The following TNFRSF10A variants were observed in gnomAD, a reference collection of about 807,000 sequenced individuals.
The protein encoded by TNFRSF10A is tumor necrosis factor receptor superfamily member 10A.
Under a neutral mutation model 42.8 loss-of-function variants are expected in TNFRSF10A, and 44 were observed. The observed-to-expected ratio is 1.03, with a 90% CI of 0.81 to 1.32. TNFRSF10A has a LOEUF of 1.32. Ranked by LOEUF, TNFRSF10A falls within the 40% of genes most tolerant of loss-of-function variation. TNFRSF10A has a pLI of 0.00. For missense variants in TNFRSF10A, 680 were observed against 602.0 expected, an observed-to-expected ratio of 1.13 and a Z score of -1.36; for synonymous variants, 259 against 234.2, an observed-to-expected ratio of 1.11 and a Z score of -0.97.
rs1327739148 is a variant in TNFRSF10A, at chr8:23,191,828, T to C, written c.1273A>G (p.Ile425Val). ...WVNKTGRNAS[I>V]HTLLDALERM... ...TCCAAGGCATCCAGCAGGGTGTGGA[T>C]CGAGGCGTTCCGTCCAGTTTTGTTG... Residue 425 changes from isoleucine (I) to valine (V), a missense_variant, in exon 10 of 10, where the codon ATC becomes GTC. By Grantham distance (29) the Ile-to-Val change is conservative. Coordinates refer to ENST00000221132, the MANE Select transcript of TNFRSF10A (RefSeq NM_003844.4). 1 of 1,614,022 alleles carries C rather than the reference T, an allele frequency of 6.2e-7. No homozygotes were observed. Among genetic ancestry groups the C allele is most frequent in the East Asian group, 2.2e-5 (1 of 44,866 alleles).
In TNFRSF10A at chr8:23,191,376, C is replaced by T. The variant is rs1800750477; in HGVS notation, c.*318G>A. The T allele has an allele frequency of 2.6e-6, 1 of 388,428 alleles. No homozygotes were observed. Among genetic ancestry groups the T allele is most frequent in the Admixed American group, 4.2e-5 (1 of 23,772 alleles). 24.1% of individuals were successfully genotyped at this position (388,428 alleles called of 1,614,324 possible). A position where few individuals can be genotyped will look rare whatever the true frequency, so the allele number is the denominator to read the frequency against. ...AGGCTGGAGTGCAGTGGTGCAATCT[C>T]AGCTCACTGCCTCGTGGGTTCAAGT... On this transcript the variant is annotated 3_prime_UTR_variant, in exon 10 of 10. Coordinates refer to ENST00000221132, the MANE Select transcript of TNFRSF10A (RefSeq NM_003844.4).
chr8:23,216,170 C>A (rs1178042857), intron 1 of TNFRSF10A, among the ~76,000 whole-genome samples: 4 of 152,110 alleles, frequency 2.6e-5, no homozygotes, highest in Non-Finnish European at 5.9e-5. Flanking sequence ...CAACTCTTAG[C>A]TTGTTGATTC....
At chr8:23,202,065 C>T (rs6557633) in intron 3 of TNFRSF10A, 146 bp from the exon 4 acceptor site, 10,479 of 668,840 alleles carry the variant, frequency 0.016, 236 homozygotes, top group African/African-American at 0.076. Flanking sequence ...CCAGCACACT[C>T]GGGCTCACAC....
intron 1 of TNFRSF10A, among the ~76,000 whole-genome samples, chr8:23,222,385 A>G (rs1801270163): frequency 6.6e-6 from 1 of 152,230 alleles, no homozygotes; most frequent in African/African-American, 2.4e-5. Flanking sequence ...GGAATTAGAA[A>G]AAACAAAAGC....
At chr8:23,194,980 A>C (rs928778801) in intron 9 of TNFRSF10A, among the ~76,000 whole-genome samples, 2 of 152,112 alleles carry the variant, frequency 1.3e-5, no homozygotes, top group East Asian at 3.8e-4. Flanking sequence ...CCAACGTGGC[A>C]AAACCCTGTC....
intron 7 of TNFRSF10A, 127 bp from the exon 8 acceptor site, chr8:23,199,575 C>T: frequency 1.7e-6 from 2 of 1,199,228 alleles, no homozygotes; most frequent in Non-Finnish European, 2.3e-6. Context: ...CCATGCTCAG[C>T]ACATCCAGGA....
chr8:23,199,278 T>C lies in TNFRSF10A; in HGVS notation c.1002A>G (p.Ala334=). ...GTCCCCAACTCACCAGCAGACACTG[T>C]GCCTCCCCTGGGGACTGTACAGTGA... is the stretch of plus-strand genomic sequence containing the variant. ...TGVTVQSPGE[A]QCLLGPAEAE... The change falls in exon 8 of 10, where the codon GCA becomes GCG. Residue 334 remains alanine, a synonymous_variant. Transcript: ENST00000221132. 6.2e-7 allele frequency: 1 copy of C among 1,613,352 alleles called. No homozygotes were observed. Among genetic ancestry groups the C allele is most frequent in the African/African-American group, 1.3e-5 (1 of 75,022 alleles).
chr8:23,197,765 C>T (rs901708809), intron 8 of TNFRSF10A, among the ~76,000 whole-genome samples: 5 of 152,116 alleles, frequency 3.3e-5, no homozygotes, highest in Non-Finnish European at 7.3e-5. Flanking sequence ...GGTTGGGGAC[C>T]ATTCGTTAAT....
At chr8:23,209,053 A>G (rs1395448554) in intron 2 of TNFRSF10A, among the ~76,000 whole-genome samples, 1 of 152,136 alleles carries the variant, frequency 6.6e-6, no homozygotes, top group African/African-American at 2.4e-5. Context: ...TTGGTGCCCT[A>G]CATTCCAGCC....
At chr8:23,193,323 C>T (rs1035736100) in intron 9 of TNFRSF10A, among the ~76,000 whole-genome samples, 1 of 152,210 alleles carries the variant, frequency 6.6e-6, no homozygotes, top group Non-Finnish European at 1.5e-5. Context: ...AGGTGAGTTT[C>T]AGTCTCTCTC....
At position 23,201,830 on chromosome 8, in the gene TNFRSF10A, T is replaced by C. The variant is rs1384563196; in HGVS notation, c.607A>G (p.Met203Val). ...GTFRNDNSAEMCRKCSRGCPR... is the reference protein window; with the variant it reads ...GTFRNDNSAEVCRKCSRGCPR... Reference sequence around the variant, plus strand: ...CACCCTCTGCTGCACTTCCGGCACATCTCAGCAGAATTGTCATTCCGGAAA... The same window carrying C: ...CACCCTCTGCTGCACTTCCGGCACACCTCAGCAGAATTGTCATTCCGGAAA... Residue 203 changes from methionine to valine, a missense_variant, in exon 4 of 10, where the codon ATG becomes GTG. Transcript: ENST00000221132. 8.1e-6 allele frequency: 13 copies of C among 1,614,090 alleles called. No homozygotes were observed. The highest frequency in any genetic ancestry group is 3.3e-5 in the South Asian group (3 of 91,094).
At chr8:23,197,581 C>A (rs1800844129) in intron 8 of TNFRSF10A, among the ~76,000 whole-genome samples, 1 of 152,116 alleles carries the variant, frequency 6.6e-6, no homozygotes, top group Non-Finnish European at 1.5e-5. Flanking sequence ...TCAGGGCTCC[C>A]ACTGACTCTA....
rs777752383 is a variant in TNFRSF10A at position 23,191,914 on chromosome 8, A to G, written c.1187T>C (p.Val396Ala). Residue 396 changes from valine to alanine, a missense_variant, in exon 10 of 10, where the codon GTG becomes GCG. Transcript: ENST00000221132. ...TGGGCCTGCTGTACCAGCTCTGACC[A>G]CATCGATCTCATTTTTCGTGAGGTC... is the stretch of plus-strand genomic sequence containing the variant. Reference protein sequence around the residue: ...QLDLTKNEIDVVRAGTAGPGD... With the variant: ...QLDLTKNEIDAVRAGTAGPGD... 9.9e-6 allele frequency: 16 copies of G among 1,614,170 alleles called. No individual in the cohort carries two copies. Among genetic ancestry groups the G allele is most frequent in the Non-Finnish European group, 1.4e-5 (16 of 1,180,028 alleles).
At chr8:23,209,393 C>T (rs1455638689) in intron 2 of TNFRSF10A, among the ~76,000 whole-genome samples, 1 of 152,220 alleles carries the variant, frequency 6.6e-6, no homozygotes, top group Non-Finnish European at 1.5e-5. Context: ...GTCCTTCAGA[C>T]CCCAGAATGG....
intron 4 of TNFRSF10A, 109 bp from the exon 5 acceptor site, chr8:23,200,869 G>A (rs537095154): frequency 5.8e-6 from 6 of 1,038,330 alleles, no homozygotes; most frequent in Admixed American, 5.2e-5. Context: ...GGCGTCAGGG[G>A]AAGGATAGTC....
chr8:23,208,647 G>A (rs1801051462), intron 2 of TNFRSF10A, among the ~76,000 whole-genome samples: 2 of 152,076 alleles, frequency 1.3e-5, no homozygotes, highest in African/African-American at 2.4e-5. Flanking sequence ...TAGTAGAGAC[G>A]GGGTTTCACC....
chr8:23,204,198 C>T (rs75359040), intron 2 of TNFRSF10A, among the ~76,000 whole-genome samples: 8,099 of 152,230 alleles, frequency 0.053, 292 homozygotes, highest in Non-Finnish European at 0.077. Flanking sequence ...AAGCTTCTTG[C>T]TTATGCTCTC....
At chr8:23,216,568 C>T (rs1334136995) in intron 1 of TNFRSF10A, among the ~76,000 whole-genome samples, 2 of 151,850 alleles carry the variant, frequency 1.3e-5, no homozygotes, top group Non-Finnish European at 2.9e-5. Context: ...ATGGTGAAAC[C>T]CTATCTGTAC....
intron 6 of TNFRSF10A, among the ~76,000 whole-genome samples, 176 bp downstream of exon 6, chr8:23,200,329 G>C (rs988270726): frequency 6.6e-6 from 1 of 152,130 alleles, no homozygotes; most frequent in African/African-American, 2.4e-5. Flanking sequence ...AGGGACGGAT[G>C]ACACCAGGGC....
Sources: allele counts gnomAD v4.1 joint callset (sites outside exome capture counted in the v4.1 genomes callset), GRCh38; gene constraint gnomAD v4.1.1; transcripts MANE v1.5; gene names NCBI Gene and HGNC (gene_info 2026-07-23, HGNC 2026-07-21).